Variants in PDE1C observed in about 807,000 individuals in gnomAD.
PDE1C encodes dual specificity calcium/calmodulin-dependent 3',5'-cyclic nucleotide phosphodiesterase 1C.
PDE1C carries 62 observed loss-of-function variants against 93.1 expected under a neutral mutation model. The observed-to-expected ratio is 0.67, with a 90% CI of 0.54 to 0.82. The LOEUF is 0.82. Among genes scored for constraint, PDE1C ranks in the 40% least tolerant of loss-of-function variants. The pLI, the probability that PDE1C is intolerant of heterozygous loss-of-function variation, is 0.00. For missense variants in PDE1C, 742 were observed against 884.6 expected (o/e 0.84, Z 2.04); for synonymous variants, 325 against 310.1 (o/e 1.05, Z -0.50).
chr7:32,048,711 A>T (rs551111355), intron 2 of PDE1C, among the ~76,000 whole-genome samples: 1 of 152,300 alleles, frequency 6.6e-6, no homozygotes, highest in East Asian at 1.9e-4. Context: ...AAGTTATTTT[A>T]AGCCACTAAG....
intron 1 of PDE1C, among the ~76,000 whole-genome samples, chr7:32,247,312 T>C (rs1809037481): frequency 8.1e-6 from 1 of 122,768 alleles, no homozygotes; most frequent in South Asian, 2.3e-4. Context: ...TTTTTATTTA[T>C]TGTCTGTCTG....
chr7:31,842,386 T>C (rs1015561135), intron 9 of PDE1C, among the ~76,000 whole-genome samples: 2 of 152,132 alleles, frequency 1.3e-5, no homozygotes, highest in African/African-American at 4.8e-5. Flanking sequence ...CTTTACATAT[T>C]GATAGAATTC....
intron 2 of PDE1C, among the ~76,000 whole-genome samples, chr7:32,007,348 G>A (rs1305375653): frequency 6.6e-6 from 1 of 152,064 alleles, no homozygotes. Context: ...TGGCCTCCTA[G>A]CTCTACTTTT....
intron 1 of PDE1C, among the ~76,000 whole-genome samples, chr7:32,365,010 C>A (rs1434805202): frequency 6.6e-6 from 1 of 152,234 alleles, no homozygotes; most frequent in African/African-American, 2.4e-5. Flanking sequence ...GCCTTCAAGC[C>A]TCTGAGCAGC....
intron 2 of PDE1C, among the ~76,000 whole-genome samples, chr7:31,904,225 G>C (rs985140115): frequency 1.3e-5 from 2 of 152,182 alleles, no homozygotes; most frequent in African/African-American, 4.8e-5. Context: ...AATCCAGCCT[G>C]AATTGACACA....
intron 2 of PDE1C, among the ~76,000 whole-genome samples, chr7:31,898,023 TGTGTGTG>T (rs1562993984): frequency 1.9e-4 from 5 of 26,854 alleles, no homozygotes; most frequent in African/African-American, 3.9e-4. Flanking sequence ...GGTTTCTTTG[TGTGTGTG>T]TGTGTGTGTG....
At chr7:32,127,128 T>C (rs1351735017) in intron 3 of PDE1C, among the ~76,000 whole-genome samples, 2 of 152,180 alleles carry the variant, frequency 1.3e-5, no homozygotes, top group African/African-American at 2.4e-5. Flanking sequence ...TTTCTACCTT[T>C]GCACTCAACT....
chr7:31,929,091 T>C (rs1022183710), intron 2 of PDE1C, among the ~76,000 whole-genome samples: 27 of 146,192 alleles, frequency 1.8e-4, no homozygotes, highest in African/African-American at 6.5e-4. Flanking sequence ...TGGAGGAATA[T>C]TTACCAAGCA....
At chr7:31,926,838 C>T (rs1427187000) in intron 2 of PDE1C, among the ~76,000 whole-genome samples, 1 of 152,184 alleles carries the variant, frequency 6.6e-6, no homozygotes, top group East Asian at 1.9e-4. Context: ...CCACCAGGAC[C>T]CTGGATTTCA....
chr7:31,633,749 C>T, the PDE1C span, among the ~76,000 whole-genome samples: 1 of 152,304 alleles, frequency 6.6e-6, no homozygotes, highest in Non-Finnish European at 1.5e-5. Flanking sequence ...CATTGGAGGA[C>T]AGAAGAGATA....
the PDE1C span, among the ~76,000 whole-genome samples, chr7:31,618,654 C>T: frequency 0.042 from 6,344 of 152,166 alleles, 380 homozygotes; most frequent in African/African-American, 0.13. Context: ...TGTAGAAACC[C>T]ATAATTATAG....
the PDE1C span, among the ~76,000 whole-genome samples, chr7:31,686,170 T>G: frequency 2.6e-4 from 39 of 152,318 alleles, no homozygotes; most frequent in African/African-American, 9.4e-4. Flanking sequence ...TGGGCATCAC[T>G]GGGTGGTCCA....
At chr7:31,620,460 C>A in the PDE1C span, among the ~76,000 whole-genome samples, 1 of 151,470 alleles carries the variant, frequency 6.6e-6, no homozygotes, top group African/African-American at 2.4e-5. Context: ...ACGAAAAATA[C>A]CTGTTCTGCA....
intron 8 of PDE1C, among the ~76,000 whole-genome samples, chr7:31,849,696 C>A (rs1393589277): frequency 6.6e-6 from 1 of 152,092 alleles, no homozygotes; most frequent in Non-Finnish European, 1.5e-5. Flanking sequence ...ACTCTCATCC[C>A]TCCCTGCTAC....
chr7:31,827,450 T>C (rs750010913), intron 12 of PDE1C, among the ~76,000 whole-genome samples: 3 of 152,154 alleles, frequency 2.0e-5, no homozygotes, highest in Admixed American at 1.3e-4. Context: ...TCTAATAGAT[T>C]TTTGTTTTTG....
chr7:31,880,196 A>C (rs943100121), intron 3 of PDE1C, among the ~76,000 whole-genome samples: 2 of 152,194 alleles, frequency 1.3e-5, no homozygotes, highest in Non-Finnish European at 2.9e-5. Context: ...AAAGAAATGC[A>C]ATTTTATAAC....
intron 2 of PDE1C, among the ~76,000 whole-genome samples, chr7:31,944,520 C>A (rs2129004919): frequency 6.6e-6 from 1 of 152,298 alleles, no homozygotes; most frequent in South Asian, 2.1e-4. Context: ...ATTCTCCACC[C>A]TTCTCTGGCA....
intron 2 of PDE1C, among the ~76,000 whole-genome samples, chr7:32,005,861 T>C (rs1584420919): frequency 6.6e-6 from 1 of 152,192 alleles, no homozygotes; most frequent in East Asian, 1.9e-4. Context: ...AGATTCAGAA[T>C]CTGCATTTGC....
At chr7:31,950,073 G>C (rs1045573615) in intron 2 of PDE1C, among the ~76,000 whole-genome samples, 1 of 152,172 alleles carries the variant, frequency 6.6e-6, no homozygotes, top group Non-Finnish European at 1.5e-5. Flanking sequence ...TTATAGGCTT[G>C]AGCAGACAGT....
Sources: allele counts gnomAD v4.1 joint callset (sites outside exome capture counted in the v4.1 genomes callset), GRCh38; gene constraint gnomAD v4.1.1; transcripts MANE v1.5; gene names NCBI Gene and HGNC (gene_info 2026-07-23, HGNC 2026-07-21).